Variants in COL4A4 observed in about 807,000 individuals in gnomAD.
COL4A4 encodes the protein collagen type IV alpha 4 chain.
Under a neutral mutation model 192.9 loss-of-function variants are expected in COL4A4, and 105 were observed. The observed-to-expected ratio is 0.54, with a 90% confidence interval of 0.46 to 0.64. The LOEUF is 0.64. Among genes scored for constraint, COL4A4 ranks in the 30% least tolerant of loss-of-function variants. The probability of loss-of-function intolerance (pLI) is 0.00; values close to 1 mark genes in which losing one functional copy is unlikely to be tolerated. For synonymous variants in COL4A4, 762 were observed against 769.9 expected (o/e 0.99, Z 0.17); for missense variants, 1,967 against 2,169.3 (o/e 0.91, Z 1.85).
In COL4A4 at chr2:227,055,951, G is replaced by C. The variant is rs201108212; in HGVS notation, c.2710C>G (p.Pro904Ala). The part of the protein sequence containing the change: ...GDDGLPGPPG[P>A]KGPRGLPGFP... ...TGGAAAAAGCACTACCTACCCTTTG[G>C]ACCTGGAGGACCAGGTAGCCCATCA... The change falls in exon 30 of 48, where the codon CCA (proline) becomes GCA (alanine). Residue 904 changes from proline (P) to alanine (A), a missense_variant. Coordinates refer to ENST00000396625, the MANE Select transcript of COL4A4 (RefSeq NM_000092.5). The C allele has an allele frequency of 3.1e-6, 5 of 1,613,640 alleles. No homozygotes were observed. The East Asian group carries it at 8.9e-5, about 29-fold the overall frequency.
At chr2:227,115,057 TATAG>T (rs1430255069) in intron 7 of COL4A4, among the ~76,000 whole-genome samples, 5,189 of 152,002 alleles carry the variant, frequency 0.034, 288 homozygotes, top group African/African-American at 0.12. Flanking sequence ...TATATATATA[TATAG>T]AGAGAGAGAT....
chr2:227,114,538 T>G (rs1234896592), intron 8 of COL4A4, 90 bp downstream of exon 8: 1 of 1,039,294 alleles, frequency 9.6e-7, no homozygotes, highest in East Asian at 2.4e-5. Flanking sequence ...CAGGGACATT[T>G]TGAAGAAAAA....
intron 7 of COL4A4, among the ~76,000 whole-genome samples, chr2:227,117,945 T>C (rs552354631): frequency 4.6e-5 from 7 of 152,354 alleles, no homozygotes; most frequent in Non-Finnish European, 8.8e-5. Flanking sequence ...GACTCCTTTA[T>C]AGCTGGATGT....
At chr2:227,075,135 C>A (rs1465629304) in intron 25 of COL4A4, among the ~76,000 whole-genome samples, 1 of 152,114 alleles carries the variant, frequency 6.6e-6, no homozygotes, top group African/African-American at 2.4e-5. Context: ...AATAAGAACT[C>A]CTCCCTTACT....
chr2:227,008,113 G>A lies in COL4A4; in HGVS notation c.4714C>T (p.Pro1572Ser), dbSNP rs943590418. ...YVSRCAVCEA[P>S]AQAVAVHSQD... Reference sequence around the variant, plus strand: ...CTGTGCACCGCCACCGCCTGGGCCGGGGCCTCGCATACCGCACAGCGGCTG... The same window carrying A: ...CTGTGCACCGCCACCGCCTGGGCCGAGGCCTCGCATACCGCACAGCGGCTG... The change falls in exon 47 of 48, where the codon CCG (proline) becomes TCG (serine). Residue 1572 changes from proline (P) to serine (S), a missense_variant. Transcript: ENST00000396625. 6.2e-7 allele frequency: 1 copy of A among 1,614,080 alleles called. No individual in the cohort carries two copies. Among genetic ancestry groups the A allele is most frequent in the Non-Finnish European group, 8.5e-7 (1 of 1,179,994 alleles).
At chr2:227,068,698 G>T (rs944534389) in intron 25 of COL4A4, among the ~76,000 whole-genome samples, 3 of 151,454 alleles carry the variant, frequency 2.0e-5, no homozygotes, top group African/African-American at 7.3e-5. Flanking sequence ...AATAAATTAG[G>T]TATTGATGGG....
chr2:227,130,154 T>C (rs926100642), intron 4 of COL4A4, among the ~76,000 whole-genome samples: 2 of 152,192 alleles, frequency 1.3e-5, no homozygotes, highest in Non-Finnish European at 2.9e-5. Flanking sequence ...GGCAGAGTGT[T>C]TTCTTGTACC....
intron 46 of COL4A4, among the ~76,000 whole-genome samples, 175 bp downstream of exon 46, chr2:227,010,138 C>G (rs1361925564): frequency 1.3e-5 from 2 of 152,176 alleles, no homozygotes; most frequent in African/African-American, 2.4e-5. Context: ...TTTGACACTT[C>G]ATAGGATCAT....
At chr2:226,986,381 T>TGTA in the COL4A4 span, among the ~76,000 whole-genome samples, 252 of 152,352 alleles carry the variant, frequency 1.7e-3, 2 homozygotes, top group African/African-American at 5.7e-3. Context: ...ACAAATGTAC[T>TGTA]GTAAGATGTT....
Position 227,121,106 on chromosome 2 carries a change from G to C in COL4A4, c.235C>G (p.Leu79Val), listed in dbSNP as rs764905079. ...AGCCCAATGGGTCCTGGGGCTCCCA[G>C]GGGTCCAATTGGACCCTGTGGCCCT... ...PPGPQGPIGP[L>V]GAPGPIGLSG... Residue 79 changes from leucine (L) to valine (V), a missense_variant, in exon 5 of 48, where the codon CTG (leucine) becomes GTG (valine). Physicochemically the swap from Leu to Val is conservative, Grantham distance 32 (BLOSUM62 1). Transcript: ENST00000396625. 1 of 1,613,978 alleles carries C rather than the reference G, an allele frequency of 6.2e-7. No homozygotes were observed. The highest frequency in any genetic ancestry group is 8.5e-7 in the Non-Finnish European group (1 of 1,179,964).
Position 227,045,909 on chromosome 2 carries a change from AT to A in COL4A4, c.3289+1565del, listed in dbSNP as rs375249373. ...GTATATATATTTAGATAGTATATAT[AT>A]GTATGTATATGTATATGTATATATG... On this transcript the variant is annotated intron_variant, in intron 35 of 47. Transcript: ENST00000396625. Among the ~76,000 whole-genome samples the A allele has an allele frequency of 1.6e-3, 78 of 48,986 alleles. 1 individual carries two copies. Among genetic ancestry groups the A allele is most frequent in the Non-Finnish European group, 2.7e-3 (61 of 22,790 alleles). The allele number at this position is 48,986 out of a possible 152,430, so 32.1% of individuals were successfully genotyped here. A position where few individuals can be genotyped will look rare whatever the true frequency, so the allele number is the denominator to read the frequency against.
chr2:226,982,526 T>C, the COL4A4 span, among the ~76,000 whole-genome samples: 1 of 152,244 alleles, frequency 6.6e-6, no homozygotes, highest in South Asian at 2.1e-4. Flanking sequence ...ACATCTCATA[T>C]CTCAGCCTGT....
intron 35 of COL4A4, among the ~76,000 whole-genome samples, chr2:227,045,170 A>G (rs1276780413): frequency 1.3e-5 from 2 of 152,172 alleles, no homozygotes; most frequent in African/African-American, 2.4e-5. Flanking sequence ...GATGATGACA[A>G]TGATGATCAT....
intron 44 of COL4A4, among the ~76,000 whole-genome samples, chr2:227,019,102 T>C (rs1316056763): frequency 1.3e-5 from 2 of 152,202 alleles, no homozygotes; most frequent in Admixed American, 6.5e-5. Flanking sequence ...ATTTCAACCT[T>C]GGCTGCCTGC....
At chr2:226,983,936 G>T in the COL4A4 span, among the ~76,000 whole-genome samples, 2 of 152,298 alleles carry the variant, frequency 1.3e-5, no homozygotes, top group South Asian at 2.1e-4. Flanking sequence ...TGGGCAAAAC[G>T]CAATGGTGTG....
intron 4 of COL4A4, among the ~76,000 whole-genome samples, chr2:227,132,839 T>C (rs2125188375): frequency 6.6e-6 from 1 of 152,194 alleles, no homozygotes; most frequent in East Asian, 1.9e-4. Flanking sequence ...GAGACAGCTG[T>C]TTGTGGATTT....
rs1974930332 is a variant in COL4A4, at chr2:227,054,783, T to C, written c.2717-46A>G. ...AGTTTTAGGAAAATATTTTATTTGT[T>C]ATTTATTTTTTCAGGGGTGGGAGGT... is the stretch of plus-strand genomic sequence containing the variant. On this transcript the variant is annotated intron_variant, in intron 30 of 47. Transcript: ENST00000396625. 2.6e-6 allele frequency: 4 copies of C among 1,563,534 alleles called. No homozygotes were observed. In the East Asian group the frequency reaches 9.6e-5, roughly 38 times the overall value.
intron 37 of COL4A4, among the ~76,000 whole-genome samples, chr2:227,041,536 G>A (rs572241399): frequency 7.3e-5 from 11 of 151,390 alleles, no homozygotes; most frequent in Non-Finnish European, 1.6e-4. Context: ...AGCTACTTAG[G>A]AGGCTGAGGC....
At chr2:227,130,787 G>A (rs13003785) in intron 4 of COL4A4, among the ~76,000 whole-genome samples, 53,432 of 152,026 alleles carry the variant, frequency 0.35, 9,870 homozygotes, top group Non-Finnish European at 0.41. Flanking sequence ...CTTCCTGAGC[G>A]GGCACCACTG....
Sources: gnomAD v4.1 joint callset for allele counts (sites outside exome capture counted in the v4.1 genomes callset) on GRCh38, gnomAD v4.1.1 for gene constraint, MANE v1.5 for transcripts, NCBI Gene and HGNC (gene_info 2026-07-23, HGNC 2026-07-21) for gene names.